Variants in CFAP69 observed in about 807,000 individuals in gnomAD.
CFAP69 encodes the protein cilia and flagella associated protein 69.
CFAP69 carries 92 observed loss-of-function variants against 123.0 expected under a neutral mutation model. That is an observed-to-expected ratio of 0.75 (90% CI 0.63 to 0.89). The LOEUF is 0.89. Among genes scored for constraint, CFAP69 ranks in the 40% least tolerant of loss-of-function variants. CFAP69 has a pLI of 0.00. For synonymous variants in CFAP69, 380 were observed against 364.3 expected, an observed-to-expected ratio of 1.04 and a Z score of -0.49; for missense variants, 1,067 against 1,096.9, an observed-to-expected ratio of 0.97 and a Z score of 0.39.
intron 11 of CFAP69, among the ~76,000 whole-genome samples, chr7:90,279,167 G>A (rs951889958): frequency 6.6e-6 from 1 of 152,032 alleles, no homozygotes; most frequent in African/African-American, 2.4e-5. Flanking sequence ...GAATGTTTAT[G>A]TAAGTACTGT....
intron 15 of CFAP69, among the ~76,000 whole-genome samples, chr7:90,296,472 C>T (rs967292433): frequency 7.2e-5 from 11 of 152,128 alleles, no homozygotes; most frequent in African/African-American, 1.9e-4. Flanking sequence ...GGATTACAGG[C>T]GCCCACCACC....
rs572299645 is a variant in CFAP69, at chr7:90,293,417, A to G, written c.1776-4332A>G. Among the ~76,000 whole-genome samples the G allele has an allele frequency of 1.1e-4, 16 of 152,304 alleles. No individual in the cohort carries two copies. In the South Asian group the frequency reaches 3.1e-3, roughly 30 times the overall value. On this transcript the variant is annotated intron_variant, in intron 15 of 22. Coordinates refer to ENST00000389297, the MANE Select transcript of CFAP69 (RefSeq NM_001039706.3). ...CTCCAAGAAAAACCTGTTGTCATTT[A>G]TGCCAATGTTCAGTTTACAGAAAAA...
intron 15 of CFAP69, among the ~76,000 whole-genome samples, chr7:90,291,935 T>C (rs1363004834): frequency 6.6e-6 from 1 of 152,244 alleles, no homozygotes; most frequent in East Asian, 1.9e-4. Context: ...AGATCACTGG[T>C]TGGTTCCCAG....
chr7:90,283,594 A>G (rs1375394446), intron 13 of CFAP69, among the ~76,000 whole-genome samples: 2 of 152,212 alleles, frequency 1.3e-5, no homozygotes, highest in African/African-American at 4.8e-5. Flanking sequence ...TACGTCATCA[A>G]TTAGACACTT....
chr7:90,275,315 C>T (rs1788420340), intron 9 of CFAP69, among the ~76,000 whole-genome samples: 1 of 152,114 alleles, frequency 6.6e-6, no homozygotes, highest in Non-Finnish European at 1.5e-5. Context: ...TGAGGTATGG[C>T]AGCCCAAATC....
intron 9 of CFAP69, among the ~76,000 whole-genome samples, chr7:90,274,711 A>G (rs925707931): frequency 1.3e-5 from 2 of 152,132 alleles, no homozygotes; most frequent in Non-Finnish European, 1.5e-5. Flanking sequence ...CCTATGTATA[A>G]TATATCATCC....
At chr7:90,323,716 A>G in the CFAP69 span, among the ~76,000 whole-genome samples, 2 of 152,190 alleles carry the variant, frequency 1.3e-5, no homozygotes, top group African/African-American at 4.8e-5. Flanking sequence ...TAAAGGAAGG[A>G]AGATGTGGTT....
chr7:90,266,099 T>A (rs1342288920), intron 5 of CFAP69: 4 of 152,132 alleles, frequency 2.6e-5, no homozygotes. Context: ...AGTGCATTTT[T>A]AAAAATATTT....
chr7:90,265,600 G>A (rs1799044708), intron 5 of CFAP69, among the ~76,000 whole-genome samples: 1 of 152,134 alleles, frequency 6.6e-6, no homozygotes, highest in African/African-American at 2.4e-5. Context: ...CTAAGTACAA[G>A]GACAGGCTGA....
intron 1 of CFAP69, among the ~76,000 whole-genome samples, chr7:90,247,363 A>T (rs1197853632): frequency 2.6e-5 from 4 of 152,214 alleles, no homozygotes. Context: ...GCACATTTGC[A>T]AACTTCTCTT....
intron 15 of CFAP69, among the ~76,000 whole-genome samples, chr7:90,295,991 C>A (rs893529465): frequency 6.6e-6 from 1 of 152,102 alleles, no homozygotes; most frequent in African/African-American, 2.4e-5. Flanking sequence ...TTTACTGCAA[C>A]CTGTTTTATC....
intron 9 of CFAP69, among the ~76,000 whole-genome samples, chr7:90,275,359 T>G (rs549485877): frequency 7.0e-4 from 107 of 152,264 alleles, no homozygotes; most frequent in South Asian, 5.0e-3. Context: ...GCTTGAGTAT[T>G]CTCTGCACTT....
At chr7:90,246,031 CTG>C (rs1276304445) in intron 1 of CFAP69, among the ~76,000 whole-genome samples, 4 of 152,118 alleles carry the variant, frequency 2.6e-5, no homozygotes, top group Non-Finnish European at 5.9e-5. Flanking sequence ...GAGGAAAACG[CTG>C]TTAAATTAGA....
chr7:90,297,670 GC>G (rs1436217799), intron 15 of CFAP69, 78 bp from the exon 16 acceptor site: 1 of 832,090 alleles, frequency 1.2e-6, no homozygotes, highest in African/African-American at 1.8e-5. Context: ...CTTTGAAAAT[GC>G]TTTGATAAAG....
At chr7:90,300,653 TTCTTTTTTTTTTG>T in intron 17 of CFAP69, 1 of 257,728 alleles carries the variant, frequency 3.9e-6, no homozygotes, top group Non-Finnish European at 6.0e-6. Context: ...TCTTTTTTTT[TTCTTTTTTTTTTG>T]TGAGACAGGG....
chr7:90,281,691 A>G lies in CFAP69; in HGVS notation c.1373-1201A>G, dbSNP rs375411648. ...ACATGGGAAAATATCTTTTTGCTAG[A>G]TATCAGTGTAGGAAAGGTTTCTTTA... On this transcript the variant is annotated intron_variant, in intron 12 of 22. Transcript: ENST00000389297. Among the ~76,000 whole-genome samples, 6 of 152,364 alleles carry G rather than the reference A, an allele frequency of 3.9e-5. No homozygotes were observed. The South Asian group carries it at 1.0e-3, about 26-fold the overall frequency.
At chr7:90,291,933 G>C (rs1216837647) in intron 15 of CFAP69, among the ~76,000 whole-genome samples, 2 of 152,160 alleles carry the variant, frequency 1.3e-5, no homozygotes, top group African/African-American at 4.8e-5. Context: ...AGAGATCACT[G>C]GTTGGTTCCC....
At chr7:90,284,841 G>T (rs747181665) in intron 13 of CFAP69, among the ~76,000 whole-genome samples, 2 of 152,180 alleles carry the variant, frequency 1.3e-5, no homozygotes, top group Non-Finnish European at 2.9e-5. Context: ...TGTATAGTCA[G>T]AGGCCAAGAT....
intron 22 of CFAP69, among the ~76,000 whole-genome samples, chr7:90,309,806 TG>T (rs1285638771): frequency 6.6e-6 from 1 of 152,210 alleles, no homozygotes; most frequent in Non-Finnish European, 1.5e-5. Context: ...CCCCTTTTCC[TG>T]GCGAGTAGAT....
Sources: gnomAD v4.1 joint callset for allele counts (sites outside exome capture counted in the v4.1 genomes callset) on GRCh38, gnomAD v4.1.1 for gene constraint, MANE v1.5 for transcripts, NCBI Gene and HGNC (gene_info 2026-07-23, HGNC 2026-07-21) for gene names.